DCLK1: variants seen among roughly 807,000 people sequenced by gnomAD.
The protein encoded by DCLK1 is serine/threonine-protein kinase DCLK1.
A neutral mutation model predicts 86.2 loss-of-function variants in DCLK1; 16 were observed. That is an observed-to-expected ratio of 0.19 (90% CI 0.13 to 0.28). DCLK1 has a LOEUF of 0.28. DCLK1 is among the 10% of genes least tolerant of loss of function. The probability of loss-of-function intolerance (pLI) is 1.00; values close to 1 mark genes in which losing one functional copy is unlikely to be tolerated. For missense variants in DCLK1, 590 were observed against 940.2 expected (o/e 0.63, Z 4.87); for synonymous variants, 369 against 370.5 (o/e 1.00, Z 0.05).
chr13:35,831,151 A>G (rs1429439363), intron 8 of DCLK1, among the ~76,000 whole-genome samples: 2 of 152,174 alleles, frequency 1.3e-5, no homozygotes, highest in East Asian at 1.9e-4. Context: ...ACCTTTCGTA[A>G]TAGGATTAAA....
chr13:36,023,241 A>C (rs896593354), intron 3 of DCLK1, among the ~76,000 whole-genome samples: 5 of 151,988 alleles, frequency 3.3e-5, no homozygotes, highest in African/African-American at 1.2e-4. Context: ...AAATTAGCTC[A>C]TGTGATTACG....
At chr13:35,846,285 T>C in intron 6 of DCLK1, 4 of 985,232 alleles carry the variant, frequency 4.1e-6, no homozygotes, top group Non-Finnish European at 4.8e-6. Context: ...AAAGAGTTCT[T>C]AGAAAAAATA....
intron 3 of DCLK1, among the ~76,000 whole-genome samples, chr13:36,016,409 G>A (rs546572936): frequency 7.2e-5 from 11 of 152,108 alleles, no homozygotes; most frequent in African/African-American, 2.4e-4. Flanking sequence ...CCATTAAAAG[G>A]AGCCCTAAAT....
At chr13:35,831,877 T>C (rs1412436393) in intron 8 of DCLK1, among the ~76,000 whole-genome samples, 1 of 152,200 alleles carries the variant, frequency 6.6e-6, no homozygotes, top group African/African-American at 2.4e-5. Context: ...AATCCAACTT[T>C]TGGTGTTTGT....
chr13:35,809,986 A>G (rs1352990887), intron 12 of DCLK1, among the ~76,000 whole-genome samples: 1 of 152,176 alleles, frequency 6.6e-6, no homozygotes, highest in African/African-American at 2.4e-5. Context: ...GCTAATGAGA[A>G]GAAAAAGTAG....
intron 2 of DCLK1, among the ~76,000 whole-genome samples, chr13:36,113,798 T>C (rs1411354171): frequency 6.6e-6 from 1 of 152,118 alleles, no homozygotes; most frequent in Non-Finnish European, 1.5e-5. Flanking sequence ...TGAGTGAAAA[T>C]GACCTGAGGC....
intron 4 of DCLK1, among the ~76,000 whole-genome samples, chr13:35,884,229 T>C (rs1348626044): frequency 6.6e-6 from 1 of 151,506 alleles, no homozygotes; most frequent in East Asian, 1.9e-4. Context: ...ACTAAAAGCA[T>C]GAGGAGATAA....
intron 3 of DCLK1, among the ~76,000 whole-genome samples, chr13:36,005,479 C>G (rs1880907470): frequency 6.6e-6 from 1 of 152,142 alleles, no homozygotes; most frequent in African/African-American, 2.4e-5. Flanking sequence ...CAAACTATTA[C>G]TAACTTCATT....
rs1383937027 is a variant in DCLK1 at position 36,020,976 on chromosome 13, G to A, written c.724-73519C>T. 2.0e-5 allele frequency among the ~76,000 whole-genome samples: 3 copies of A among 152,124 alleles called. No homozygotes were observed. In the East Asian group the frequency reaches 5.8e-4, roughly 29 times the overall value. On this transcript the variant is annotated intron_variant, in intron 3 of 16. Transcript: ENST00000360631. Reference sequence around the variant, plus strand: ...TAGGCAAATATATAAGTATGTAAATGTGAAATACAGTAAAAATATATTTTG... The same window carrying A: ...TAGGCAAATATATAAGTATGTAAATATGAAATACAGTAAAAATATATTTTG...
At chr13:36,092,875 C>T (rs1038261099) in intron 3 of DCLK1, among the ~76,000 whole-genome samples, 3 of 151,958 alleles carry the variant, frequency 2.0e-5, no homozygotes, top group African/African-American at 7.3e-5. Flanking sequence ...TGAATTCTAC[C>T]GTCTAAATAT....
At chr13:35,847,183 T>C (rs1870242710) in intron 6 of DCLK1, 15 of 971,644 alleles carry the variant, frequency 1.5e-5, no homozygotes, top group Non-Finnish European at 1.7e-5. Flanking sequence ...TAACACAATA[T>C]TGGATTTAGC....
At chr13:35,977,343 G>A (rs184726047) in intron 3 of DCLK1, among the ~76,000 whole-genome samples, 11 of 152,224 alleles carry the variant, frequency 7.2e-5, no homozygotes, top group Admixed American at 7.2e-4. Context: ...CTTGGGGTGG[G>A]CAGGAGGGAA....
At chr13:36,130,461 T>G (rs1886323892) in intron 1 of DCLK1, among the ~76,000 whole-genome samples, 1 of 152,146 alleles carries the variant, frequency 6.6e-6, no homozygotes. Flanking sequence ...AGCAGCCTCT[T>G]TTGTGGGGCA....
chr13:35,925,948 A>T (rs75226744), intron 4 of DCLK1, among the ~76,000 whole-genome samples: 17,907 of 152,112 alleles, frequency 0.12, 1,709 homozygotes, highest in African/African-American at 0.27. Context: ...CTTTACTTAA[A>T]CCCGTAGTTT....
chr13:35,956,533 T>C (rs1282692132), intron 3 of DCLK1, among the ~76,000 whole-genome samples: 3 of 134,414 alleles, frequency 2.2e-5, no homozygotes, highest in Non-Finnish European at 4.8e-5. Flanking sequence ...GCACTGAACA[T>C]ATGGCTGGTT....
At chr13:36,055,605 T>G (rs1052888835) in intron 3 of DCLK1, among the ~76,000 whole-genome samples, 3 of 152,218 alleles carry the variant, frequency 2.0e-5, no homozygotes, top group African/African-American at 7.2e-5. Flanking sequence ...TGCTGTTCAA[T>G]TTATTTTTCT....
At chr13:35,942,999 T>C (rs1877166249) in intron 4 of DCLK1, among the ~76,000 whole-genome samples, 1 of 152,218 alleles carries the variant, frequency 6.6e-6, no homozygotes, top group Non-Finnish European at 1.5e-5. Context: ...ATGTCTTTTT[T>C]AGGTTGAATT....
chr13:35,810,836 C>T lies in DCLK1; in HGVS notation c.1687G>A (p.Gly563Arg), dbSNP rs535509328. The change falls in exon 12 of 17, where the codon GGA becomes AGA. Residue 563 changes from glycine to arginine, a missense_variant and splice_region_variant. Gly to Arg is a moderately radical substitution (Grantham distance 125). Coordinates refer to ENST00000360631, the MANE Select transcript of DCLK1 (RefSeq NM_001330071.2). ...CTTAAACATAAGAGAAGCATTTACC[C>T]AGTCTCTGCAATGATTTCTGGAGCC... ...YVAPEIIAET[G>R]YGLKVDIWAA... The T allele has an allele frequency of 6.2e-7, 1 of 1,613,284 alleles. No homozygotes were observed. Among genetic ancestry groups the T allele is most frequent in the Non-Finnish European group, 8.5e-7 (1 of 1,179,796 alleles).
At chr13:36,101,157 A>G (rs767899996) in intron 3 of DCLK1, among the ~76,000 whole-genome samples, 1 of 152,180 alleles carries the variant, frequency 6.6e-6, no homozygotes, top group Non-Finnish European at 1.5e-5. Context: ...TGTGCAGCGT[A>G]TTGAGGGGAG....
Sources: gnomAD v4.1 joint callset for allele counts (sites outside exome capture counted in the v4.1 genomes callset) on GRCh38, gnomAD v4.1.1 for gene constraint, MANE v1.5 for transcripts, NCBI Gene and HGNC (gene_info 2026-07-23, HGNC 2026-07-21) for gene names.